Variants in PAOX observed in about 807,000 individuals in gnomAD.
PAOX encodes the protein polyamine oxidase.
PAOX carries 38 observed loss-of-function variants against 39.0 expected under a neutral mutation model. That is an observed-to-expected ratio of 0.97 (90% CI 0.75 to 1.28). The LOEUF (loss-of-function observed/expected upper bound fraction) is 1.28, where lower values mean the gene tolerates loss of function less well. PAOX is among the 50% of genes most tolerant of loss of function. The pLI is 0.00. For missense variants in PAOX, 667 were observed against 685.7 expected, an observed-to-expected ratio of 0.97 and a Z score of 0.30; for synonymous variants, 311 against 314.4, an observed-to-expected ratio of 0.99 and a Z score of 0.11.
intron 6 of PAOX, chr10:133,391,107 T>C: frequency 1.4e-6 from 1 of 706,174 alleles, no homozygotes; most frequent in Non-Finnish European, 2.6e-6. Flanking sequence ...ATGTGAGCTG[T>C]TTTCCTGCCC....
At position 133,389,871 on chromosome 10, in the gene PAOX, C is replaced by A. The variant is rs1057402301; in HGVS notation, c.1392+124C>A. 1.0e-5 allele frequency: 11 copies of A among 1,061,342 alleles called. No individual in the cohort carries two copies. The African/African-American group carries it at 1.7e-4, about 16-fold the overall frequency. 65.7% of individuals were successfully genotyped at this position (1,061,342 alleles called of 1,614,324 possible). On this transcript the variant is annotated intron_variant, in intron 6 of 6. Coordinates refer to ENST00000278060, the MANE Select transcript of PAOX (RefSeq NM_152911.4). ...GGATCCCAGACTCGGAAGCCATTTTCTTTTTGAAACTAAGAATAATTTTTA... is the reference window on the plus strand; with the variant it reads ...GGATCCCAGACTCGGAAGCCATTTTATTTTTGAAACTAAGAATAATTTTTA...
At position 133,391,338 on chromosome 10, in the gene PAOX, C is replaced by T; in HGVS notation, c.1419C>T (p.Ala473=). 6.2e-7 allele frequency: 1 copy of T among 1,613,550 alleles called. No individual in the cohort carries two copies. Among genetic ancestry groups the T allele is most frequent in the Non-Finnish European group, 8.5e-7 (1 of 1,180,022 alleles). The change falls in exon 7 of 7, where the codon GCC becomes GCT. Residue 473 remains alanine, a synonymous_variant. Transcript: ENST00000278060. ...TCCAGATCCTGTTTGCGGGGGAAGC[C>T]ACACATCGCACGTTTTACTCCACGA... ...AQLQILFAGE[A]THRTFYSTTH... is the part of the protein sequence containing the mutation.
At chr10:133,388,873 TTTC>T in intron 4 of PAOX, 80 bp from the exon 5 acceptor site, 1 of 699,522 alleles carries the variant, frequency 1.4e-6, no homozygotes, top group Non-Finnish European at 2.7e-6. Context: ...CAGGGCTCTC[TTTC>T]TCCATGCAGG....
chr10:133,379,548 A>G, intron 1 of PAOX, 51 bp downstream of exon 1: 1 of 1,215,220 alleles, frequency 8.2e-7, no homozygotes, highest in South Asian at 4.3e-5. Flanking sequence ...CTGCGCCCGA[A>G]CTCGCCGGCC....
rs1849685444 is a variant in PAOX, at chr10:133,391,531, TG to T, written c.*78del. 6.6e-7 allele frequency: 1 copy of T among 1,515,834 alleles called. No individual in the cohort carries two copies. The highest frequency in any genetic ancestry group is 1.4e-5 in the African/African-American group (1 of 71,616). The allele number at this position is 1,515,834 out of a possible 1,614,324, so 93.9% of individuals were successfully genotyped here. A position where few individuals can be genotyped will look rare whatever the true frequency, so the allele number is the denominator to read the frequency against. On this transcript the variant is annotated 3_prime_UTR_variant, in exon 7 of 7. Coordinates refer to ENST00000278060, the MANE Select transcript of PAOX (RefSeq NM_152911.4). ...TCATTTCTTCTGACAGATTTCAGTC[TG>T]GCTTGAAATTTGGGGATGTTAATGA...
chr10:133,381,309 A>G (rs888600073), intron 2 of PAOX, 151 bp from the exon 3 acceptor site: 10 of 702,316 alleles, frequency 1.4e-5, no homozygotes, highest in Admixed American at 2.5e-5. Flanking sequence ...GGAAAACCAC[A>G]GAGTGGAGCT....
chr10:133,386,840 A>C (rs771637548), intron 4 of PAOX, among the ~76,000 whole-genome samples: 4 of 152,334 alleles, frequency 2.6e-5, no homozygotes, highest in Admixed American at 6.5e-5. Context: ...CTCAAAAGTC[A>C]AGATGTAGTA....
chr10:133,379,601 C>G (rs367650621), intron 1 of PAOX, 104 bp downstream of exon 1: 14 of 968,480 alleles, frequency 1.4e-5, no homozygotes, highest in East Asian at 3.4e-5. Flanking sequence ...GCCGCCTCAC[C>G]GGGCTCCCCG....
intron 6 of PAOX, 164 bp from the exon 7 acceptor site, chr10:133,391,148 G>C (rs549840993): frequency 1.4e-6 from 1 of 731,790 alleles, no homozygotes; most frequent in South Asian, 1.5e-5. Flanking sequence ...TGTTTTCCTG[G>C]CTATTGGTGG....
intron 3 of PAOX, 66 bp from the exon 4 acceptor site, chr10:133,383,894 C>T: frequency 1.3e-6 from 2 of 1,542,214 alleles, no homozygotes; most frequent in Non-Finnish European, 1.8e-6. Context: ...GATCCAAGGT[C>T]TGGACAGACA....
rs1402365154 is a variant in PAOX at position 133,380,311 on chromosome 10, A to T, written c.494A>T (p.Gln165Leu). Residue 165 changes from glutamine to leucine, a missense_variant, in exon 2 of 7, where the codon CAG becomes CTG. By Grantham distance (113) the Gln-to-Leu change is moderately radical. Transcript: ENST00000278060. ...GAGTACCTCAAGAAGGAGATTGGCCAGCACGTGGCCGGCTGGACAGAGGAT... is the reference window on the plus strand; with the variant it reads ...GAGTACCTCAAGAAGGAGATTGGCCTGCACGTGGCCGGCTGGACAGAGGAT... Reference protein sequence around the residue: ...VGEYLKKEIGQHVAGWTEDEE... With the variant: ...VGEYLKKEIGLHVAGWTEDEE... The T allele has an allele frequency of 6.2e-7, 1 of 1,612,788 alleles. No individual in the cohort carries two copies. Among genetic ancestry groups the T allele is most frequent in the Non-Finnish European group, 8.5e-7 (1 of 1,180,030 alleles).
In PAOX at chr10:133,391,605, T is replaced by C; in HGVS notation, c.*150T>C. 1 of 1,239,140 alleles carries C rather than the reference T, an allele frequency of 8.1e-7. No individual in the cohort carries two copies. Among genetic ancestry groups the C allele is most frequent in the Non-Finnish European group, 1.1e-6 (1 of 911,006 alleles). 76.8% of individuals were successfully genotyped at this position (1,239,140 alleles called of 1,614,324 possible). On this transcript the variant is annotated 3_prime_UTR_variant, in exon 7 of 7. Transcript: ENST00000278060. ...CAGGGCCACCTTCTCAGTTCTTGTG[T>C]CTGTTATTGGAGTCTGGCCAGGGTT...
In PAOX at chr10:133,381,485, A is replaced by C; in HGVS notation, c.694A>C (p.Met232Leu). Residue 232 changes from methionine to leucine, a missense_variant, in exon 3 of 7, where the codon ATG becomes CTG. Coordinates refer to ENST00000278060, the MANE Select transcript of PAOX (RefSeq NM_152911.4). ...SKGYQGLTNC[M>L]MAALPEDTVV... ...GGGCTATCAAGGACTCACAAACTGC[A>C]TGATGGCCGCCCTGCCGGAGGACAC... 1 of 1,613,754 alleles carries C rather than the reference A, an allele frequency of 6.2e-7. No individual in the cohort carries two copies. The highest frequency in any genetic ancestry group is 1.1e-5 in the South Asian group (1 of 91,086).
At chr10:133,387,813 C>G (rs184882114) in intron 4 of PAOX, among the ~76,000 whole-genome samples, 1 of 152,202 alleles carries the variant, frequency 6.6e-6, no homozygotes, top group Non-Finnish European at 1.5e-5. Flanking sequence ...CTCCACCTCC[C>G]GGGTTCATGC....
chr10:133,389,011 ACT>A lies in PAOX; in HGVS notation c.1180_1181del (p.Leu394ValfsTer3), dbSNP rs775698101. Reference sequence around the variant, plus strand: ...CGGACTTGAGTCTGAGTTCATGGAGACTCTGTCGGATGAAGAAGTACTTCTGT... The same window carrying A: ...CGGACTTGAGTCTGAGTTCATGGAGACTGTCGGATGAAGAAGTACTTCTGT... Reference protein sequence around the residue: ...IAGLESEFMETLSDEEVLLCL... With the variant: ...IAGLESEFMEXLSDEEVLLCL... On this transcript the variant is annotated frameshift_variant, in exon 5 of 7. Coordinates refer to ENST00000278060, the MANE Select transcript of PAOX (RefSeq NM_152911.4). LOFTEE classifies it high-confidence loss of function. The A allele has an allele frequency of 9.3e-6, 15 of 1,612,494 alleles. No individual in the cohort carries two copies. Among genetic ancestry groups the A allele is most frequent in the South Asian group, 4.4e-5 (4 of 90,966 alleles).
rs1214281969 is a variant in PAOX, at chr10:133,388,955, G to T, written c.1122-1G>T. On this transcript the variant is annotated splice_acceptor_variant, in intron 4 of 6. Transcript: ENST00000278060. LOFTEE classifies it high-confidence loss of function. Reference sequence around the variant, plus strand: ...TCCCAGGGCTCTCTTTCTCCATGCAGGTCTGTCCACGTTCTCTGTGGGTTC... The same window carrying T: ...TCCCAGGGCTCTCTTTCTCCATGCATGTCTGTCCACGTTCTCTGTGGGTTC... 6.2e-7 allele frequency: 1 copy of T among 1,611,206 alleles called. No individual in the cohort carries two copies. Among genetic ancestry groups the T allele is most frequent in the East Asian group, 2.2e-5 (1 of 44,844 alleles).
chr10:133,388,017 C>T (rs1396390276), intron 4 of PAOX, among the ~76,000 whole-genome samples: 2 of 152,116 alleles, frequency 1.3e-5, no homozygotes, highest in Non-Finnish European at 2.9e-5. Flanking sequence ...GTGCCTGGCC[C>T]TCCACGCAGA....
At chr10:133,385,651 T>G (rs1849510076) in intron 4 of PAOX, among the ~76,000 whole-genome samples, 1 of 152,112 alleles carries the variant, frequency 6.6e-6, no homozygotes, top group African/African-American at 2.4e-5. Context: ...TGGTGCAATC[T>G]TGGCTCACTG....
intron 5 of PAOX, among the ~76,000 whole-genome samples, chr10:133,389,359 C>T (rs1307705820): frequency 1.3e-5 from 2 of 152,246 alleles, no homozygotes; most frequent in Non-Finnish European, 2.9e-5. Flanking sequence ...GCTGCTGTCA[C>T]AGCTCCCGGG....
Sources: allele counts gnomAD v4.1 joint callset (sites outside exome capture counted in the v4.1 genomes callset), GRCh38; gene constraint gnomAD v4.1.1; transcripts MANE v1.5; gene names NCBI Gene and HGNC (gene_info 2026-07-23, HGNC 2026-07-21).